Variants in IFTAP observed in about 807,000 individuals in gnomAD.
IFTAP encodes the protein intraflagellar transport associated protein.
IFTAP carries 19 observed loss-of-function variants against 19.4 expected under a neutral mutation model. The observed-to-expected ratio is 0.98, with a 90% CI of 0.68 to 1.44. The LOEUF (loss-of-function observed/expected upper bound fraction) is 1.44. IFTAP is among the 40% of genes most tolerant of loss of function. IFTAP has a pLI of 0.00. For missense variants in IFTAP, 240 were observed against 253.6 expected (o/e 0.95, Z 0.36); for synonymous variants, 85 against 83.5 (o/e 1.02, Z -0.10).
intron 1 of IFTAP, among the ~76,000 whole-genome samples, chr11:36,596,228 T>TG (rs920680335): frequency 2.7e-5 from 4 of 150,938 alleles, no homozygotes; most frequent in East Asian, 3.9e-4. Context: ...TTTTGTTTTT[T>TG]TTTTTTTTTG....
chr11:36,641,474 T>A (rs1392504750), intron 4 of IFTAP, among the ~76,000 whole-genome samples: 1 of 152,174 alleles, frequency 6.6e-6, no homozygotes, highest in African/African-American at 2.4e-5. Flanking sequence ...ATTTAGAAGT[T>A]GCCTGTTCTC....
intron 2 of IFTAP, 82 bp downstream of exon 2, chr11:36,610,321 A>G (rs1851835895): frequency 7.9e-7 from 1 of 1,271,272 alleles, no homozygotes; most frequent in Non-Finnish European, 1.1e-6. Context: ...CCTCTTGAGA[A>G]AGACTATTTA....
chr11:36,640,003 TCCTGGTTCCTCAAGTCCTAGGCTAC>T (rs1427900774), intron 4 of IFTAP, among the ~76,000 whole-genome samples: 1 of 152,198 alleles, frequency 6.6e-6, no homozygotes, highest in African/African-American at 2.4e-5. Context: ...GTGGCTGAAA[TCCTGGTTCCTCAAGTCCTAGGCTAC>T]CCTGGTAGTT....
chr11:36,613,401 A>G (rs1181384043), intron 2 of IFTAP, among the ~76,000 whole-genome samples: 1 of 152,056 alleles, frequency 6.6e-6, no homozygotes, highest in African/African-American at 2.4e-5. Flanking sequence ...TTATTTAATT[A>G]ATTCATTAAT....
At chr11:36,599,990 G>A (rs1006021416) in intron 1 of IFTAP, among the ~76,000 whole-genome samples, 1 of 152,138 alleles carries the variant, frequency 6.6e-6, no homozygotes, top group Non-Finnish European at 1.5e-5. Context: ...TCAAAAAACA[G>A]GCAATTTTTA....
At chr11:36,646,562 T>C (rs748016623) in intron 4 of IFTAP, among the ~76,000 whole-genome samples, 6 of 152,192 alleles carry the variant, frequency 3.9e-5, no homozygotes, top group Non-Finnish European at 5.9e-5. Context: ...AGTAGTGACA[T>C]TTGTTGGTTC....
chr11:36,646,482 A>G (rs1174613530), intron 4 of IFTAP, among the ~76,000 whole-genome samples: 2 of 152,122 alleles, frequency 1.3e-5, no homozygotes, highest in Non-Finnish European at 2.9e-5. Flanking sequence ...GAATTTTAAA[A>G]TGTTGTTTCT....
At chr11:36,597,135 T>G (rs1321860792) in intron 1 of IFTAP, among the ~76,000 whole-genome samples, 3 of 152,234 alleles carry the variant, frequency 2.0e-5, no homozygotes, top group Admixed American at 2.0e-4. Context: ...AGATGATGTA[T>G]GCATTTAAAG....
chr11:36,635,278 C>T (rs1852901070), intron 3 of IFTAP, among the ~76,000 whole-genome samples: 1 of 152,118 alleles, frequency 6.6e-6, no homozygotes, highest in South Asian at 2.1e-4. Flanking sequence ...CTCATTCATG[C>T]CAGTGGTGAG....
intron 2 of IFTAP, among the ~76,000 whole-genome samples, chr11:36,627,841 TA>T (rs899415063): frequency 2.0e-5 from 3 of 150,108 alleles, no homozygotes; most frequent in African/African-American, 5.0e-5. Context: ...AGAGATTGTT[TA>T]AAAAAAAAGT....
intron 4 of IFTAP, 67 bp downstream of exon 4, chr11:36,636,184 C>T: frequency 7.9e-7 from 1 of 1,258,646 alleles, no homozygotes; most frequent in South Asian, 1.3e-5. Flanking sequence ...AGGCTTTAGA[C>T]AGCTTTCCTG....
In IFTAP at chr11:36,594,523, G is replaced by C. The variant is rs1326237490; in HGVS notation, c.-93G>C. 2.0e-5 allele frequency: 6 copies of C among 295,108 alleles called. No individual in the cohort carries two copies. The highest frequency in any genetic ancestry group is 1.3e-4 in the African/African-American group (6 of 46,262). The allele number at this position is 295,108 out of a possible 1,614,324, so 18.3% of individuals were successfully genotyped here. Reference sequence around the variant, plus strand: ...CGTTCTCTCTGGGATGTGTAGCTTTGGAAATCTGTCTTTGTTGCTCTGGGA... The same window carrying C: ...CGTTCTCTCTGGGATGTGTAGCTTTCGAAATCTGTCTTTGTTGCTCTGGGA... On this transcript the variant is annotated 5_prime_UTR_variant, in exon 1 of 6. Transcript: ENST00000334307.
intron 4 of IFTAP, among the ~76,000 whole-genome samples, chr11:36,643,423 T>C (rs1342132957): frequency 9.2e-5 from 14 of 152,202 alleles, no homozygotes; most frequent in African/African-American, 2.2e-4. Flanking sequence ...GCCATACTGC[T>C]CAAGGTAATT....
At chr11:36,614,454 A>C (rs1851993842) in intron 2 of IFTAP, among the ~76,000 whole-genome samples, 1 of 149,342 alleles carries the variant, frequency 6.7e-6, no homozygotes, top group Non-Finnish European at 1.5e-5. Flanking sequence ...TGGCTGGGTT[A>C]AATGGTATTT....
chr11:36,622,469 T>G (rs1185573653), intron 2 of IFTAP, among the ~76,000 whole-genome samples: 3 of 152,088 alleles, frequency 2.0e-5, no homozygotes, highest in Non-Finnish European at 4.4e-5. Flanking sequence ...GCTTTTATAG[T>G]TCTCATTTTG....
chr11:36,654,047 A>G (rs189950043), intron 5 of IFTAP, among the ~76,000 whole-genome samples: 1 of 152,092 alleles, frequency 6.6e-6, no homozygotes, highest in Admixed American at 6.6e-5. Flanking sequence ...TTCATCTTGG[A>G]CCCCTCTTTG....
At chr11:36,625,800 A>C (rs914486465) in intron 2 of IFTAP, among the ~76,000 whole-genome samples, 1 of 152,200 alleles carries the variant, frequency 6.6e-6, no homozygotes, top group African/African-American at 2.4e-5. Flanking sequence ...GAGTGCTGGC[A>C]GGAGGATTTA....
chr11:36,595,848 A>G (rs555480594), intron 1 of IFTAP, among the ~76,000 whole-genome samples: 3 of 152,344 alleles, frequency 2.0e-5, no homozygotes, highest in African/African-American at 7.2e-5. Context: ...AGAGGATGAG[A>G]AGGGGCTTTA....
intron 5 of IFTAP, among the ~76,000 whole-genome samples, chr11:36,655,878 T>G (rs1002229552): frequency 1.3e-5 from 2 of 152,202 alleles, no homozygotes; most frequent in African/African-American, 4.8e-5. Flanking sequence ...ACTGACTTGC[T>G]GAAAACTTTA....
Sources: gnomAD v4.1 joint callset for allele counts (sites outside exome capture counted in the v4.1 genomes callset) on GRCh38, gnomAD v4.1.1 for gene constraint, MANE v1.5 for transcripts, NCBI Gene and HGNC (gene_info 2026-07-23, HGNC 2026-07-21) for gene names.